The following PTPRD variants were observed in gnomAD, a reference collection of about 807,000 sequenced individuals.
PTPRD encodes protein tyrosine phosphatase receptor type D.
In PTPRD, 34 loss-of-function variants were observed where a neutral mutation model predicts 214.5. The ratio of observed to expected loss-of-function variants is 0.16; its 90% CI spans 0.12 to 0.21. The LOEUF (loss-of-function observed/expected upper bound fraction) is 0.21, where lower values mean the gene tolerates loss of function less well. Ranked by LOEUF, PTPRD falls within the 10% of genes least tolerant of loss-of-function variation. The pLI is 1.00. For missense variants in PTPRD, 2,545 were observed against 2,398.7 expected, an observed-to-expected ratio of 1.06 and a Z score of -1.27; for synonymous variants, 1,128 against 845.7, an observed-to-expected ratio of 1.33 and a Z score of -5.79.
In PTPRD at chr9:10,055,869, G is replaced by A. The variant is rs541497757; in HGVS notation, c.-544-22079C>T. Among the ~76,000 whole-genome samples the A allele has an allele frequency of 4.7e-5, 7 of 149,534 alleles. No homozygotes were observed. In the South Asian group the frequency reaches 8.5e-4, roughly 18 times the overall value. On this transcript the variant is annotated intron_variant, in intron 3 of 45. Coordinates refer to ENST00000381196, the MANE Select transcript of PTPRD (RefSeq NM_002839.4). ...ATACAAATGTATACATTATGTGTGT[G>A]TATATATATATAAATGTATAATGTA...
chr9:8,390,118 T>C lies in PTPRD; in HGVS notation c.4211-711A>G, dbSNP rs368198447. Among the ~76,000 whole-genome samples, 106 of 152,296 alleles carry C rather than the reference T, an allele frequency of 7.0e-4. No homozygotes were observed. In the South Asian group the frequency reaches 0.013, roughly 19 times the overall value. ...CTGGATTAGGACAGCTGCCCCCTAA[T>C]TGGATGTCCATCTTCTACTTTTGTC... On this transcript the variant is annotated intron_variant, in intron 36 of 45. Coordinates refer to ENST00000381196, the MANE Select transcript of PTPRD (RefSeq NM_002839.4).
At chr9:9,255,631 A>G (rs1374499005) in intron 9 of PTPRD, among the ~76,000 whole-genome samples, 1 of 152,042 alleles carries the variant, frequency 6.6e-6, no homozygotes, top group Non-Finnish European at 1.5e-5. Flanking sequence ...GTACAAAGAG[A>G]TGCTAAGAAT....
intron 30 of PTPRD, 43 bp downstream of exon 30, chr9:8,484,076 C>T (rs2135748841): frequency 6.3e-7 from 1 of 1,585,178 alleles, no homozygotes; most frequent in Non-Finnish European, 8.6e-7. Context: ...TTCCTATTTA[C>T]CTATAATTCT....
chr9:9,120,060 C>G (rs2099816158), intron 10 of PTPRD, among the ~76,000 whole-genome samples: 1 of 152,006 alleles, frequency 6.6e-6, no homozygotes, highest in Non-Finnish European at 1.5e-5. Context: ...AACATTTTTC[C>G]TTGAAAGATG....
intron 2 of PTPRD, among the ~76,000 whole-genome samples, chr9:10,484,180 G>C (rs189013012): frequency 7.2e-4 from 110 of 152,172 alleles, no homozygotes; most frequent in Non-Finnish European, 1.2e-3. Context: ...TAATCTAAGA[G>C]AAGTAACTCA....
At chr9:8,837,403 G>T (rs1357965297) in intron 11 of PTPRD, among the ~76,000 whole-genome samples, 1 of 152,182 alleles carries the variant, frequency 6.6e-6, no homozygotes, top group South Asian at 2.1e-4. Flanking sequence ...AAAATAAATT[G>T]AGACAAGATT....
intron 14 of PTPRD, among the ~76,000 whole-genome samples, chr9:8,529,360 C>G (rs970038763): frequency 1.3e-5 from 2 of 151,980 alleles, no homozygotes; most frequent in Non-Finnish European, 2.9e-5. Context: ...AAGGTTCAAC[C>G]CAAATCGATT....
chr9:8,406,789 C>T (rs536620610), intron 35 of PTPRD, among the ~76,000 whole-genome samples: 1 of 152,118 alleles, frequency 6.6e-6, no homozygotes, highest in Non-Finnish European at 1.5e-5. Context: ...TATCATATGG[C>T]TTAGTGATTA....
At chr9:9,380,883 T>A (rs1228325852) in intron 9 of PTPRD, among the ~76,000 whole-genome samples, 1 of 152,194 alleles carries the variant, frequency 6.6e-6, no homozygotes, top group Non-Finnish European at 1.5e-5. Flanking sequence ...TGTATATATG[T>A]TAATAATTGT....
At chr9:10,483,483 AAG>A (rs2099113514) in intron 2 of PTPRD, among the ~76,000 whole-genome samples, 1 of 152,118 alleles carries the variant, frequency 6.6e-6, no homozygotes, top group African/African-American at 2.4e-5. Flanking sequence ...CGTCAGGGTA[AAG>A]AGAGAATCTA....
At chr9:10,291,259 G>A (rs971408535) in intron 3 of PTPRD, among the ~76,000 whole-genome samples, 2 of 152,162 alleles carry the variant, frequency 1.3e-5, no homozygotes, top group African/African-American at 4.8e-5. Flanking sequence ...AGTGGCAGCT[G>A]AGGACAAAGT....
chr9:9,892,152 T>A (rs945847801), intron 5 of PTPRD, among the ~76,000 whole-genome samples: 4 of 152,102 alleles, frequency 2.6e-5, no homozygotes, highest in African/African-American at 9.7e-5. Context: ...CAATTTATTT[T>A]AGGGCAGGTG....
chr9:10,578,759 G>A (rs1336949834), intron 2 of PTPRD, among the ~76,000 whole-genome samples: 1 of 151,870 alleles, frequency 6.6e-6, no homozygotes, highest in African/African-American at 2.4e-5. Context: ...TAGATTTGGG[G>A]GTACATGTGC....
At chr9:9,179,918 T>A (rs942426957) in intron 10 of PTPRD, among the ~76,000 whole-genome samples, 1 of 152,152 alleles carries the variant, frequency 6.6e-6, no homozygotes, top group Non-Finnish European at 1.5e-5. Flanking sequence ...AAATGTCATA[T>A]ATGTACAATA....
chr9:8,895,126 C>T (rs553047544), intron 11 of PTPRD, among the ~76,000 whole-genome samples: 1 of 152,244 alleles, frequency 6.6e-6, no homozygotes, highest in Non-Finnish European at 1.5e-5. Context: ...TATTAATTAC[C>T]AATTAAAGAA....
intron 11 of PTPRD, among the ~76,000 whole-genome samples, chr9:8,743,317 A>G (rs781181715): frequency 3.3e-5 from 5 of 152,170 alleles, no homozygotes; most frequent in Non-Finnish European, 7.3e-5. Flanking sequence ...GGCAGCATAA[A>G]TATTGTCACC....
rs1052797081 is a variant in PTPRD, at chr9:8,314,630, A to G, written c.*3244T>C. On this transcript the variant is annotated 3_prime_UTR_variant, in exon 46 of 46. Coordinates refer to ENST00000381196, the MANE Select transcript of PTPRD (RefSeq NM_002839.4). ...ACCCATAAACCCAAAAGGAACCAAA[A>G]CCCAAAAAGAAAAACAAAAAGGGAA... The G allele has an allele frequency of 8.6e-6, 2 of 231,938 alleles. No individual in the cohort carries two copies. Among genetic ancestry groups the G allele is most frequent in the African/African-American group, 4.4e-5 (2 of 45,234 alleles). The allele number at this position is 231,938 out of a possible 1,614,324, so 14.4% of individuals were successfully genotyped here. A position where few individuals can be genotyped will look rare whatever the true frequency, so the allele number is the denominator to read the frequency against.
At chr9:8,756,666 A>G (rs2094009927) in intron 11 of PTPRD, among the ~76,000 whole-genome samples, 1 of 152,212 alleles carries the variant, frequency 6.6e-6, no homozygotes, top group Non-Finnish European at 1.5e-5. Context: ...AGGAATTTCC[A>G]AGGTACTTAT....
At chr9:9,366,189 T>TA (rs1045601105) in intron 9 of PTPRD, among the ~76,000 whole-genome samples, 1 of 151,498 alleles carries the variant, frequency 6.6e-6, no homozygotes, top group Admixed American at 6.6e-5. Context: ...CAAATAAAAC[T>TA]AAAAAAGAAT....
Sources: allele counts gnomAD v4.1 joint callset (sites outside exome capture counted in the v4.1 genomes callset), GRCh38; gene constraint gnomAD v4.1.1; transcripts MANE v1.5; gene names NCBI Gene and HGNC (gene_info 2026-07-23, HGNC 2026-07-21).